Variants in RBBP8 observed in about 807,000 individuals in gnomAD.
The protein encoded by RBBP8 is RB binding protein 8, endonuclease, also known as DNA endonuclease RBBP8.
In RBBP8, 88 loss-of-function variants were observed where a neutral mutation model predicts 108.3. That is an observed-to-expected ratio of 0.81 (90% CI 0.68 to 0.97). The LOEUF (loss-of-function observed/expected upper bound fraction) is 0.97. Ranked by LOEUF, RBBP8 falls within the 50% of genes least tolerant of loss-of-function variation. The probability of loss-of-function intolerance (pLI) is 0.00; values close to 1 mark genes in which losing one functional copy is unlikely to be tolerated. For synonymous variants in RBBP8, 332 were observed against 348.2 expected, an observed-to-expected ratio of 0.95 and a Z score of 0.52; for missense variants, 1,023 against 1,049.0, an observed-to-expected ratio of 0.98 and a Z score of 0.34.
At chr18:22,983,197 G>A (rs1915067412) in intron 7 of RBBP8, among the ~76,000 whole-genome samples, 1 of 152,136 alleles carries the variant, frequency 6.6e-6, no homozygotes, top group Non-Finnish European at 1.5e-5. Context: ...TTAATCTAAA[G>A]CAAACAGTAA....
chr18:22,916,440 G>A (rs1405270691), intron 2 of RBBP8, among the ~76,000 whole-genome samples: 1 of 146,204 alleles, frequency 6.8e-6, no homozygotes, highest in Non-Finnish European at 1.5e-5. Flanking sequence ...GGGTAGATCT[G>A]GGGCCAGAAC....
intron 3 of RBBP8, among the ~76,000 whole-genome samples, chr18:22,923,127 C>T (rs1442534438): frequency 6.6e-6 from 1 of 152,072 alleles, no homozygotes; most frequent in African/African-American, 2.4e-5. Flanking sequence ...TACATTGTTA[C>T]AGTTTCTTAC....
intron 4 of RBBP8, among the ~76,000 whole-genome samples, chr18:22,967,933 C>T (rs1913757889): frequency 6.6e-6 from 1 of 152,150 alleles, no homozygotes. Context: ...AGGCGTGAGC[C>T]ACTGTGCCCA....
In RBBP8 at chr18:22,982,396, A is replaced by C; in HGVS notation, c.604+3A>C. On this transcript the variant is annotated splice_donor_region_variant and intron_variant, in intron 7 of 18. Coordinates refer to ENST00000327155, the MANE Select transcript of RBBP8 (RefSeq NM_002894.3). ...GGAGCACTCTGTGTGTGCAAATGGT[A>C]AGAGTTGGAGTTGTATTTTAGTTCT... The C allele has an allele frequency of 6.2e-7, 1 of 1,613,786 alleles. No homozygotes were observed. The highest frequency in any genetic ancestry group is 8.5e-7 in the Non-Finnish European group (1 of 1,179,916).
In RBBP8 at chr18:22,993,065, G is replaced by C; in HGVS notation, c.1238G>C (p.Ser413Thr). The C allele has an allele frequency of 6.2e-7, 1 of 1,612,942 alleles. No homozygotes were observed. Among genetic ancestry groups the C allele is most frequent in the Non-Finnish European group, 8.5e-7 (1 of 1,179,114 alleles). Reference sequence around the variant, plus strand: ...CAGATACTTATAAATAAAAATATAAGTGAATCCCTAGGTGAACAGAATAGG... The same window carrying C: ...CAGATACTTATAAATAAAAATATAACTGAATCCCTAGGTGAACAGAATAGG... ...NKQILINKNI[S>T]ESLGEQNRTE... Residue 413 changes from serine (S) to threonine (T), a missense_variant, in exon 11 of 19, where the codon AGT becomes ACT. Physicochemically the swap from Ser to Thr is moderately conservative, Grantham distance 58. Coordinates refer to ENST00000327155, the MANE Select transcript of RBBP8 (RefSeq NM_002894.3).
chr18:22,956,453 GC>G (rs985851853), intron 4 of RBBP8, among the ~76,000 whole-genome samples: 2 of 151,964 alleles, frequency 1.3e-5, no homozygotes, highest in East Asian at 1.9e-4. Context: ...TCTCACATCA[GC>G]CCCCCCAGGT....
intron 6 of RBBP8, among the ~76,000 whole-genome samples, chr18:22,976,005 AT>A (rs1914469824): frequency 6.6e-6 from 1 of 152,154 alleles, no homozygotes; most frequent in Admixed American, 6.5e-5. Context: ...AAAACTTAGG[AT>A]TCAGGATAAT....
chr18:22,917,027 G>T lies in RBBP8; in HGVS notation c.-154+1G>T, dbSNP rs1156649397. The T allele has an allele frequency of 6.6e-6, 1 of 152,114 alleles. No homozygotes were observed. 9.4% of individuals were successfully genotyped at this position (152,114 alleles called of 1,614,324 possible). ...GGTGATAGAAGCTGTTATTGAAGGG[G>T]TAAGCTTTGCACACAAGTGCTCAAA... On this transcript the variant is annotated splice_donor_variant, in intron 3 of 4. Coordinates refer to the RBBP8 transcript ENST00000577588. LOFTEE classifies it low-confidence loss of function (5UTR_SPLICE).
chr18:22,985,059 A>G, intron 8 of RBBP8, 69 bp downstream of exon 8: 1 of 1,593,014 alleles, frequency 6.3e-7, no homozygotes, highest in East Asian at 2.3e-5. Flanking sequence ...AGTGACCCAC[A>G]GTCTAACTTA....
intron 4 of RBBP8, among the ~76,000 whole-genome samples, chr18:22,955,173 C>T (rs1442473056): frequency 1.3e-5 from 2 of 152,212 alleles, no homozygotes; most frequent in African/African-American, 4.8e-5. Context: ...GCCTTTCATT[C>T]CATTCACCTT....
At chr18:22,983,974 G>T (rs1209038545) in intron 7 of RBBP8, among the ~76,000 whole-genome samples, 3 of 152,232 alleles carry the variant, frequency 2.0e-5, no homozygotes, top group South Asian at 4.1e-4. Flanking sequence ...CCAGCTACTC[G>T]AGAGGCTGAA....
At chr18:22,953,162 A>G (rs1197030899) in intron 4 of RBBP8, among the ~76,000 whole-genome samples, 2 of 152,356 alleles carry the variant, frequency 1.3e-5, no homozygotes, top group East Asian at 3.9e-4. Flanking sequence ...TACTTGTAAG[A>G]GAGCTTTGAC....
intron 14 of RBBP8, among the ~76,000 whole-genome samples, chr18:22,998,087 A>G (rs1022623547): frequency 6.6e-6 from 1 of 152,226 alleles, no homozygotes; most frequent in Non-Finnish European, 1.5e-5. Flanking sequence ...TAGTTGATGC[A>G]GAGACCTTAT....
intron 4 of RBBP8, among the ~76,000 whole-genome samples, chr18:22,964,036 A>G (rs1816795344): frequency 6.6e-6 from 1 of 152,198 alleles, no homozygotes; most frequent in African/African-American, 2.4e-5. Context: ...TCTCTTTCAG[A>G]ATTCCAAGTC....
chr18:22,951,503 G>A (rs1049380305), intron 4 of RBBP8, among the ~76,000 whole-genome samples: 2 of 152,150 alleles, frequency 1.3e-5, no homozygotes, highest in African/African-American at 4.8e-5. Flanking sequence ...CACTGTACTC[G>A]TACAACATGC....
At chr18:22,964,341 A>C (rs1913374582) in intron 4 of RBBP8, among the ~76,000 whole-genome samples, 2 of 147,188 alleles carry the variant, frequency 1.4e-5, no homozygotes, top group African/African-American at 5.0e-5. Context: ...TTTTGTATAG[A>C]TCTGTTAACA....
chr18:22,996,415 G>C lies in RBBP8; in HGVS notation c.1981G>C (p.Ala661Pro). Residue 661 changes from alanine to proline, a missense_variant, in exon 13 of 19, where the codon GCA becomes CCA. Physicochemically the swap from Ala to Pro is conservative, Grantham distance 27. Transcript: ENST00000327155. Reference sequence around the variant, plus strand: ...TATCCAGTGGAGTATAGATCCGGGAGCAGACCTTTCTCAGTATAAAATGGA... The same window carrying C: ...TATCCAGTGGAGTATAGATCCGGGACCAGACCTTTCTCAGTATAAAATGGA... ...ENIQWSIDPGADLSQYKMDVT... is the reference protein window; with the variant it reads ...ENIQWSIDPGPDLSQYKMDVT... 6.2e-7 allele frequency: 1 copy of C among 1,613,648 alleles called. No individual in the cohort carries two copies. The highest frequency in any genetic ancestry group is 8.5e-7 in the Non-Finnish European group (1 of 1,179,880).
Position 23,021,241 on chromosome 18 carries a change from G to A in RBBP8, c.2455-888G>A, listed in dbSNP as rs183787949. Among the ~76,000 whole-genome samples, 200 of 152,128 alleles carry A rather than the reference G, an allele frequency of 1.3e-3. 1 individual carries two copies. Among genetic ancestry groups the A allele is most frequent in the Admixed American group, 2.2e-3 (34 of 15,280 alleles). ...CCTGGCCAACATATAGTAAAACCCC[G>A]TCCGTGTCTACTAAAAATACAAAAT... is the stretch of plus-strand genomic sequence containing the variant. On this transcript the variant is annotated intron_variant, in intron 17 of 18. Transcript: ENST00000327155.
chr18:23,003,832 G>A (rs867547201), intron 15 of RBBP8, among the ~76,000 whole-genome samples: 14 of 151,966 alleles, frequency 9.2e-5, no homozygotes, highest in South Asian at 2.1e-4. Flanking sequence ...GCCAAGGCGG[G>A]CGGATCACGA....
Sources: allele counts gnomAD v4.1 joint callset (sites outside exome capture counted in the v4.1 genomes callset), GRCh38; gene constraint gnomAD v4.1.1; transcripts MANE v1.5; gene names NCBI Gene and HGNC (gene_info 2026-07-23, HGNC 2026-07-21).